SCAPER: variants seen among roughly 807,000 people sequenced by gnomAD.
SCAPER encodes S-phase cyclin A associated protein in the ER.
SCAPER carries 98 observed loss-of-function variants against 182.2 expected under a neutral mutation model. That is an observed-to-expected ratio of 0.54 (90% confidence interval 0.46 to 0.64). SCAPER has a LOEUF of 0.64. SCAPER is among the 30% of genes least tolerant of loss of function. The pLI is 0.00. For missense variants in SCAPER, 1,432 were observed against 1,690.0 expected (o/e 0.85, Z 2.68); for synonymous variants, 605 against 564.6 (o/e 1.07, Z -1.01).
intron 25 of SCAPER, among the ~76,000 whole-genome samples, chr15:76,455,700 T>C (rs899045417): frequency 7.9e-5 from 12 of 152,216 alleles, no homozygotes; most frequent in African/African-American, 2.7e-4. Context: ...CTGGGATACA[T>C]GTGCTGAACG....
intron 24 of SCAPER, among the ~76,000 whole-genome samples, chr15:76,474,765 A>G (rs552086915): frequency 1.8e-4 from 28 of 152,338 alleles, no homozygotes; most frequent in African/African-American, 6.7e-4. Context: ...ATATGTTAAT[A>G]AACAGAATCA....
intron 1 of SCAPER, among the ~76,000 whole-genome samples, chr15:76,895,552 G>T (rs1033686142): frequency 1.3e-5 from 2 of 150,392 alleles, no homozygotes; most frequent in African/African-American, 4.9e-5. Flanking sequence ...AAGTACTCAA[G>T]TTAGGAAAAA....
chr15:76,509,024 GT>G (rs1171857409), intron 23 of SCAPER, among the ~76,000 whole-genome samples: 1 of 152,160 alleles, frequency 6.6e-6, no homozygotes, highest in Admixed American at 6.5e-5. Flanking sequence ...CATCTCAAGT[GT>G]AGGGAAAATG....
chr15:76,564,633 T>C (rs1454858969), intron 23 of SCAPER, among the ~76,000 whole-genome samples: 3 of 152,238 alleles, frequency 2.0e-5, no homozygotes, highest in East Asian at 3.9e-4. Flanking sequence ...TAAACTATCA[T>C]TGATATTCTT....
chr15:76,816,652 TA>T (rs1020244605), intron 5 of SCAPER, among the ~76,000 whole-genome samples: 12 of 130,758 alleles, frequency 9.2e-5, no homozygotes, highest in Non-Finnish European at 5.2e-5. Context: ...GCCAGTAACA[TA>T]ATTTTTTTTT....
intron 10 of SCAPER, among the ~76,000 whole-genome samples, chr15:76,769,392 A>C (rs2151302750): frequency 6.7e-6 from 1 of 148,446 alleles, no homozygotes; most frequent in South Asian, 2.1e-4. Context: ...GCAGTGAGCC[A>C]AGACTGCACT....
chr15:76,496,044 TGAGA>T (rs1213548534), intron 24 of SCAPER, among the ~76,000 whole-genome samples: 1 of 111,934 alleles, frequency 8.9e-6, no homozygotes, highest in Non-Finnish European at 2.0e-5. Flanking sequence ...ACACACAGAA[TGAGA>T]GAGAGATGAA....
chr15:76,479,928 T>A (rs558534441), intron 24 of SCAPER, among the ~76,000 whole-genome samples: 1 of 152,360 alleles, frequency 6.6e-6, no homozygotes, highest in African/African-American at 2.4e-5. Flanking sequence ...CTGTGCCAAG[T>A]AGGGATAGCA....
intron 5 of SCAPER, among the ~76,000 whole-genome samples, chr15:76,817,026 G>A (rs1347693092): frequency 2.0e-5 from 3 of 152,132 alleles, no homozygotes; most frequent in African/African-American, 7.2e-5. Context: ...ATACTTCCAT[G>A]CAACTGGTAG....
At chr15:76,599,488 T>C (rs1005716050) in intron 22 of SCAPER, among the ~76,000 whole-genome samples, 2 of 122,320 alleles carry the variant, frequency 1.6e-5, no homozygotes, top group African/African-American at 5.0e-5. Context: ...GTATCCATCA[T>C]TAGTGGAATA....
At chr15:76,625,979 C>T (rs1315072119) in intron 21 of SCAPER, among the ~76,000 whole-genome samples, 2 of 152,080 alleles carry the variant, frequency 1.3e-5, no homozygotes, top group African/African-American at 4.8e-5. Flanking sequence ...CTAACAGTAA[C>T]GAGAGCTGAT....
At chr15:76,357,188 A>ACACACACC (rs774672151) in intron 29 of SCAPER, among the ~76,000 whole-genome samples, 404 of 149,150 alleles carry the variant, frequency 2.7e-3, no homozygotes, top group Non-Finnish European at 3.8e-3. Flanking sequence ...ACACACACAC[A>ACACACACC]CCCCTATGGC....
At chr15:76,443,337 A>G (rs2047752447) in intron 25 of SCAPER, among the ~76,000 whole-genome samples, 1 of 152,258 alleles carries the variant, frequency 6.6e-6, no homozygotes, top group Admixed American at 6.5e-5. Flanking sequence ...TAAGACATCC[A>G]TTTGAAAAGA....
At chr15:76,879,878 T>TTAA (rs1225662864) in intron 2 of SCAPER, among the ~76,000 whole-genome samples, 1 of 152,210 alleles carries the variant, frequency 6.6e-6, no homozygotes, top group African/African-American at 2.4e-5. Flanking sequence ...AATCATACAC[T>TTAA]TAATGTGTTT....
At position 76,873,491 on chromosome 15, in the gene SCAPER, A is replaced by C. The variant is rs1042309768; in HGVS notation, c.6+10321T>G. ...AGTATATATAGTGATACTTTTAGTAAAAAGTTTATCAACCAGGAAAACATA... is the reference window on the plus strand; with the variant it reads ...AGTATATATAGTGATACTTTTAGTACAAAGTTTATCAACCAGGAAAACATA... On this transcript the variant is annotated intron_variant, in intron 2 of 31. Coordinates refer to ENST00000563290, the MANE Select transcript of SCAPER (RefSeq NM_020843.4). 1.2e-4 allele frequency among the ~76,000 whole-genome samples: 19 copies of C among 152,328 alleles called. 1 individual carries two copies. Among genetic ancestry groups the C allele is most frequent in the African/African-American group, 4.1e-4 (17 of 41,578 alleles).
At chr15:76,867,661 G>T (rs1212772101) in intron 2 of SCAPER, among the ~76,000 whole-genome samples, 1 of 152,284 alleles carries the variant, frequency 6.6e-6, no homozygotes, top group East Asian at 1.9e-4. Context: ...GTCTTACCGA[G>T]TCTATCTCCT....
intron 16 of SCAPER, among the ~76,000 whole-genome samples, chr15:76,731,893 G>A (rs1227979038): frequency 6.6e-6 from 1 of 152,172 alleles, no homozygotes; most frequent in African/African-American, 2.4e-5. Flanking sequence ...TGAAGTGAGA[G>A]TCATCATTTT....
intron 23 of SCAPER, among the ~76,000 whole-genome samples, chr15:76,564,474 A>G (rs997329488): frequency 2.0e-5 from 3 of 152,108 alleles, no homozygotes; most frequent in Admixed American, 6.6e-5. Context: ...AAAGATCTCT[A>G]TAAGGAGAAC....
At chr15:76,757,160 T>C (rs958012012) in intron 14 of SCAPER, among the ~76,000 whole-genome samples, 3 of 152,226 alleles carry the variant, frequency 2.0e-5, no homozygotes, top group Non-Finnish European at 4.4e-5. Context: ...CAATGTTTCC[T>C]ATGTTTTCAG....
Sources: gnomAD v4.1 joint callset for allele counts (sites outside exome capture counted in the v4.1 genomes callset) on GRCh38, gnomAD v4.1.1 for gene constraint, MANE v1.5 for transcripts, NCBI Gene and HGNC (gene_info 2026-07-23, HGNC 2026-07-21) for gene names.